Variants in VAV3 observed in about 807,000 individuals in gnomAD.
VAV3 encodes the protein vav guanine nucleotide exchange factor 3.
Under a neutral mutation model 131.2 loss-of-function variants are expected in VAV3, and 94 were observed. That is an observed-to-expected ratio of 0.72 (90% CI 0.61 to 0.85). The LOEUF is 0.85. VAV3 is among the 40% of genes least tolerant of loss of function. The probability of loss-of-function intolerance (pLI) is 0.00; values close to 1 mark genes in which losing one functional copy is unlikely to be tolerated. For missense variants in VAV3, 939 were observed against 1,002.7 expected, an observed-to-expected ratio of 0.94 and a Z score of 0.86; for synonymous variants, 349 against 342.0, an observed-to-expected ratio of 1.02 and a Z score of -0.22.
At chr1:107,723,666 T>C (rs1190470437) in intron 15 of VAV3, among the ~76,000 whole-genome samples, 1 of 152,162 alleles carries the variant, frequency 6.6e-6, no homozygotes, top group Non-Finnish European at 1.5e-5. Flanking sequence ...AACTCAAAGC[T>C]GCGCTAGTAC....
intron 19 of VAV3, chr1:107,672,017 CA>C (rs1657838755): frequency 6.6e-6 from 1 of 152,062 alleles, no homozygotes; most frequent in Non-Finnish European, 1.5e-5. Context: ...CCTGTAATCC[CA>C]GCACGCCGCA....
At chr1:107,904,252 T>C (rs188875198) in intron 1 of VAV3, among the ~76,000 whole-genome samples, 6 of 152,334 alleles carry the variant, frequency 3.9e-5, no homozygotes, top group South Asian at 2.1e-4. Context: ...AAGAATGCCA[T>C]GTTACTGCTA....
At chr1:107,602,547 C>A (rs1651946251) in intron 23 of VAV3, 63 bp from the exon 24 acceptor site, 2 of 1,279,044 alleles carry the variant, frequency 1.6e-6, no homozygotes, top group Non-Finnish European at 2.1e-6. Flanking sequence ...TCAATAATTA[C>A]CAGAGGGCAT....
In VAV3 at chr1:107,650,911, G is replaced by T. The variant is rs188381745; in HGVS notation, c.1778-8156C>A. Among the ~76,000 whole-genome samples, 462 of 152,062 alleles carry T rather than the reference G, an allele frequency of 3.0e-3. 2 individuals carry two copies. The highest frequency in any genetic ancestry group is 7.7e-3 in the Admixed American group (118 of 15,254). Reference sequence around the variant, plus strand: ...CCAAATGTCCAACAATGATAGACTGGATTAAGAAAATGTGGCACATATACA... The same window carrying T: ...CCAAATGTCCAACAATGATAGACTGTATTAAGAAAATGTGGCACATATACA... On this transcript the variant is annotated intron_variant, in intron 19 of 26. Transcript: ENST00000370056.
chr1:107,660,532 C>CA (rs1316485722), intron 19 of VAV3, among the ~76,000 whole-genome samples: 1 of 152,202 alleles, frequency 6.6e-6, no homozygotes, highest in African/African-American at 2.4e-5. Flanking sequence ...CCCTGTCTGA[C>CA]AGACTGAAGC....
chr1:107,919,084 G>T (rs1050604805), intron 1 of VAV3, among the ~76,000 whole-genome samples: 1 of 151,984 alleles, frequency 6.6e-6, no homozygotes, highest in Non-Finnish European at 1.5e-5. Context: ...ATTAGTCATT[G>T]GTTATAAATT....
chr1:107,587,287 GC>G (rs1650576317), intron 25 of VAV3, among the ~76,000 whole-genome samples: 1 of 152,194 alleles, frequency 6.6e-6, no homozygotes, highest in Non-Finnish European at 1.5e-5. Context: ...CAAGAGAGCT[GC>G]AGAGTTAAAA....
chr1:107,906,689 T>C (rs530578596), intron 1 of VAV3, among the ~76,000 whole-genome samples: 1 of 151,708 alleles, frequency 6.6e-6, no homozygotes, highest in East Asian at 1.9e-4. Context: ...TACAATACAA[T>C]ACAATACATA....
chr1:107,799,873 T>C (rs1405157783), intron 2 of VAV3, among the ~76,000 whole-genome samples: 1 of 152,170 alleles, frequency 6.6e-6, no homozygotes, highest in Non-Finnish European at 1.5e-5. Flanking sequence ...TGGACTCTGA[T>C]AACCACCAAT....
chr1:107,952,869 A>G (rs1674624098), intron 1 of VAV3, among the ~76,000 whole-genome samples: 1 of 152,242 alleles, frequency 6.6e-6, no homozygotes, highest in Non-Finnish European at 1.5e-5. Context: ...CCATGAAAAC[A>G]GAAGCAAACA....
At chr1:107,768,138 G>A (rs891876802) in intron 7 of VAV3, among the ~76,000 whole-genome samples, 6 of 152,248 alleles carry the variant, frequency 3.9e-5, no homozygotes, top group African/African-American at 1.4e-4. Flanking sequence ...GTGTGGGGAT[G>A]GAAGTGGATC....
At chr1:107,896,846 G>A (rs1671605592) in intron 1 of VAV3, among the ~76,000 whole-genome samples, 1 of 152,152 alleles carries the variant, frequency 6.6e-6, no homozygotes, top group Admixed American at 6.5e-5. Flanking sequence ...ACATTTGCCA[G>A]TTAGTTTACA....
At chr1:107,738,099 G>A (rs1662778744) in intron 15 of VAV3, among the ~76,000 whole-genome samples, 2 of 152,122 alleles carry the variant, frequency 1.3e-5, no homozygotes, top group South Asian at 2.1e-4. Flanking sequence ...GCAAACTATT[G>A]CAAGGACAGA....
chr1:107,955,509 T>C (rs191450042), intron 1 of VAV3, among the ~76,000 whole-genome samples: 4 of 151,750 alleles, frequency 2.6e-5, no homozygotes, highest in African/African-American at 9.7e-5. Flanking sequence ...GGGAGACGGA[T>C]AAGGAAAAAA....
At chr1:107,898,436 C>G (rs1414153945) in intron 1 of VAV3, among the ~76,000 whole-genome samples, 1 of 152,222 alleles carries the variant, frequency 6.6e-6, no homozygotes, top group Admixed American at 6.5e-5. Flanking sequence ...GTTTCCACCA[C>G]AGCCAGTGGC....
chr1:107,612,603 G>T (rs1003861417), intron 21 of VAV3, among the ~76,000 whole-genome samples: 1 of 151,984 alleles, frequency 6.6e-6, no homozygotes, highest in Admixed American at 6.6e-5. Flanking sequence ...TTTCTGTTAA[G>T]TATGGTTCAC....
In VAV3 at chr1:107,642,658, A is replaced by G. The variant is rs576196327; in HGVS notation, c.1875T>C (p.Val625=). The G allele has an allele frequency of 6.2e-7, 1 of 1,613,324 alleles. No homozygotes were observed. Among genetic ancestry groups the G allele is most frequent in the Admixed American group, 1.7e-5 (1 of 59,892 alleles). ...PPLQLQAGDT[V]ELLKGDAHSL... Reference sequence around the variant, plus strand: ...TGTGTGCATCTCCTTTCAGAAGTTCAACGGTATCCCCGGCCTGGAGCTGTA... The same window carrying G: ...TGTGTGCATCTCCTTTCAGAAGTTCGACGGTATCCCCGGCCTGGAGCTGTA... The change falls in exon 20 of 27, where the codon GTT becomes GTC. Residue 625 remains valine (V), a synonymous_variant. Coordinates refer to ENST00000370056, the MANE Select transcript of VAV3 (RefSeq NM_006113.5).
At chr1:107,713,719 T>G (rs1049552407) in intron 15 of VAV3, among the ~76,000 whole-genome samples, 1 of 152,090 alleles carries the variant, frequency 6.6e-6, no homozygotes, top group African/African-American at 2.4e-5. Flanking sequence ...TTCAACGACA[T>G]CCTTATAAAT....
chr1:107,689,537 T>A (rs1659276577), intron 17 of VAV3, among the ~76,000 whole-genome samples: 1 of 152,020 alleles, frequency 6.6e-6, no homozygotes, highest in South Asian at 2.1e-4. Flanking sequence ...TTTCTTTTTT[T>A]AACGAATACT....
Sources: allele counts gnomAD v4.1 joint callset (sites outside exome capture counted in the v4.1 genomes callset), GRCh38; gene constraint gnomAD v4.1.1; transcripts MANE v1.5; gene names NCBI Gene and HGNC (gene_info 2026-07-23, HGNC 2026-07-21).